The following GLI2 variants were observed in gnomAD, a reference collection of about 807,000 sequenced individuals.
The protein encoded by GLI2 is GLI family zinc finger 2.
GLI2 carries 22 observed loss-of-function variants against 78.9 expected under a neutral mutation model. That is an observed-to-expected ratio of 0.28 (90% CI 0.20 to 0.40). The LOEUF (loss-of-function observed/expected upper bound fraction) is 0.40. Ranked by LOEUF, GLI2 falls within the 10% of genes least tolerant of loss-of-function variation. The pLI is 1.00. For missense variants in GLI2, 2,097 were observed against 2,213.2 expected (o/e 0.95, Z 1.05); for synonymous variants, 974 against 963.7 (o/e 1.01, Z -0.20).
rs892073236 is a variant in GLI2, at chr2:120,992,103, C to CA, written c.*1429dup. 6.6e-6 allele frequency: 1 copy of CA among 152,578 alleles called. No homozygotes were observed. The highest frequency in any genetic ancestry group is 1.5e-5 in the Non-Finnish European group (1 of 68,172). The allele number at this position is 152,578 out of a possible 1,614,324, so 9.5% of individuals were successfully genotyped here. On this transcript the variant is annotated 3_prime_UTR_variant, in exon 14 of 14. Coordinates refer to ENST00000361492, the MANE Select transcript of GLI2 (RefSeq NM_001374353.1). ...GGCAACCTTGCCAAACAGCACCACTCAGAGTGTGACTCTGACTGTGACCTT... is the reference window on the plus strand; with the variant it reads ...GGCAACCTTGCCAAACAGCACCACTCAAGAGTGTGACTCTGACTGTGACCTT...
chr2:120,846,297 G>C (rs1412898863), intron 2 of GLI2, among the ~76,000 whole-genome samples: 1 of 152,228 alleles, frequency 6.6e-6, no homozygotes, highest in African/African-American at 2.4e-5. Flanking sequence ...GATAGGTGGA[G>C]TTCTGGGCTC....
intron 2 of GLI2, among the ~76,000 whole-genome samples, chr2:120,893,446 T>C (rs1677779119): frequency 6.6e-6 from 1 of 152,106 alleles, no homozygotes. Flanking sequence ...TTGAAGGATC[T>C]TCTGAGAACG....
intron 1 of GLI2, among the ~76,000 whole-genome samples, chr2:120,783,805 T>C (rs964062712): frequency 5.9e-5 from 9 of 152,146 alleles, no homozygotes; most frequent in African/African-American, 2.2e-4. Flanking sequence ...GAAAACCACT[T>C]AAAGTCTGAT....
At chr2:120,884,999 C>G (rs1677327201) in intron 2 of GLI2, among the ~76,000 whole-genome samples, 1 of 152,182 alleles carries the variant, frequency 6.6e-6, no homozygotes, top group Admixed American at 6.5e-5. Flanking sequence ...TCCTGGCTCC[C>G]TCTCCATTCA....
chr2:120,888,142 G>A (rs1416701116), intron 2 of GLI2, among the ~76,000 whole-genome samples: 9 of 152,214 alleles, frequency 5.9e-5, no homozygotes, highest in Admixed American at 5.2e-4. Flanking sequence ...GCTGGATGCC[G>A]AAAAGAAACC....
At chr2:120,805,178 C>T (rs1250505960) in intron 2 of GLI2, among the ~76,000 whole-genome samples, 2 of 152,228 alleles carry the variant, frequency 1.3e-5, no homozygotes, top group African/African-American at 2.4e-5. Flanking sequence ...TCAGCCTGGC[C>T]GCCCCATTTC....
At chr2:120,906,171 G>T (rs941473028) in intron 2 of GLI2, among the ~76,000 whole-genome samples, 1 of 152,220 alleles carries the variant, frequency 6.6e-6, no homozygotes, top group African/African-American at 2.4e-5. Flanking sequence ...TAGGAAGTCA[G>T]GGCCCCTGGG....
At chr2:120,911,385 A>G (rs904084119) in intron 2 of GLI2, among the ~76,000 whole-genome samples, 1 of 152,186 alleles carries the variant, frequency 6.6e-6, no homozygotes. Context: ...AGTGTGAAGG[A>G]AGCCCTGTGC....
intron 2 of GLI2, among the ~76,000 whole-genome samples, chr2:120,832,664 C>A (rs996029688): frequency 1.3e-5 from 2 of 152,150 alleles, no homozygotes; most frequent in African/African-American, 4.8e-5. Flanking sequence ...GGAGTGTGTT[C>A]GGGCAATGAG....
At chr2:120,988,009 C>G (rs111330576) in intron 13 of GLI2, among the ~76,000 whole-genome samples, 199 bp from the exon 14 acceptor site, 1 of 152,168 alleles carries the variant, frequency 6.6e-6, no homozygotes, top group Admixed American at 6.5e-5. Flanking sequence ...GGGAGGATCC[C>G]TTGAGCCCAG....
At position 120,992,520 on chromosome 2, in the gene GLI2, C is replaced by T. The variant is rs185605889; in HGVS notation, c.*1845C>T. The T allele has an allele frequency of 6.6e-6, 1 of 152,314 alleles. No individual in the cohort carries two copies. The highest frequency in any genetic ancestry group is 6.5e-5 in the Admixed American group (1 of 15,296). The allele number at this position is 152,314 out of a possible 1,614,324, so 9.4% of individuals were successfully genotyped here. A position where few individuals can be genotyped will look rare whatever the true frequency, so the allele number is the denominator to read the frequency against. On this transcript the variant is annotated 3_prime_UTR_variant, in exon 14 of 14. Coordinates refer to ENST00000361492, the MANE Select transcript of GLI2 (RefSeq NM_001374353.1). ...CATAATTTATCTTGTCTATCTGCTT[C>T]CCCCTTGACAGTAGTTAATGAGAAC...
intron 1 of GLI2, among the ~76,000 whole-genome samples, 164 bp downstream of exon 1, chr2:120,736,449 G>A (rs2104614488): frequency 6.6e-6 from 1 of 152,190 alleles, no homozygotes; most frequent in Non-Finnish European, 1.5e-5. Flanking sequence ...GGGGACTAGA[G>A]GCTAGTAGGC....
chr2:120,790,624 G>A (rs1014754810), intron 1 of GLI2, among the ~76,000 whole-genome samples: 12 of 152,252 alleles, frequency 7.9e-5, no homozygotes, highest in South Asian at 6.2e-4. Flanking sequence ...CTGCCCACCC[G>A]TCCACACTCT....
intron 3 of GLI2, among the ~76,000 whole-genome samples, chr2:120,931,785 G>A (rs1407594022): frequency 3.3e-5 from 5 of 152,196 alleles, no homozygotes; most frequent in African/African-American, 4.8e-5. Context: ...AGTTACTTCC[G>A]TGAGGGCAAG....
chr2:120,748,198 T>C (rs1281616718), intron 1 of GLI2, among the ~76,000 whole-genome samples: 2 of 152,230 alleles, frequency 1.3e-5, no homozygotes, highest in Admixed American at 6.5e-5. Context: ...AGACCCTGGA[T>C]AGGTCTGTTT....
intron 2 of GLI2, among the ~76,000 whole-genome samples, chr2:120,893,701 A>G (rs10182261): frequency 0.14 from 21,033 of 151,262 alleles, 4,344 homozygotes; most frequent in African/African-American, 0.45. Flanking sequence ...GTTCCCCCCA[A>G]CCCCCCACAA....
intron 1 of GLI2, among the ~76,000 whole-genome samples, chr2:120,780,561 G>C (rs1573371314): frequency 6.6e-6 from 1 of 152,246 alleles, no homozygotes; most frequent in East Asian, 1.9e-4. Flanking sequence ...GTTTCCAGCA[G>C]GCAGAGTGGT....
Position 120,990,152 on chromosome 2 carries a change from C to T in GLI2, c.4187C>T (p.Ala1396Val). 6.2e-7 allele frequency: 1 copy of T among 1,611,238 alleles called. No individual in the cohort carries two copies. Among genetic ancestry groups the T allele is most frequent in the Non-Finnish European group, 8.5e-7 (1 of 1,178,512 alleles). Residue 1396 changes from alanine (A) to valine (V), a missense_variant, in exon 14 of 14, where the codon GCA (alanine) becomes GTA (valine). Transcript: ENST00000361492. ...GCCATGCCGTCCAGTCAGGAAACAG[C>T]AGAGGCTGTGCCCAAGGGAGCGATG... ...MAAMPSSQET[A>V]EAVPKGAMGN... is the part of the protein sequence containing the mutation.
chr2:120,831,947 C>T (rs1686381537), intron 2 of GLI2, among the ~76,000 whole-genome samples: 3 of 152,212 alleles, frequency 2.0e-5, no homozygotes, highest in Admixed American at 6.5e-5. Context: ...GGATTACCTA[C>T]GCTGGACTGC....
Sources: gnomAD v4.1 joint callset for allele counts (sites outside exome capture counted in the v4.1 genomes callset) on GRCh38, gnomAD v4.1.1 for gene constraint, MANE v1.5 for transcripts, NCBI Gene and HGNC (gene_info 2026-07-23, HGNC 2026-07-21) for gene names.